TBC1D5: variants seen among roughly 807,000 people sequenced by gnomAD.
The protein encoded by TBC1D5 is TBC1 domain family, member 5.
TBC1D5 carries 75 observed loss-of-function variants against 100.3 expected under a neutral mutation model. The ratio of observed to expected loss-of-function variants is 0.75; its 90% CI spans 0.62 to 0.91. The LOEUF (loss-of-function observed/expected upper bound fraction) is 0.91, where lower values mean the gene tolerates loss of function less well. TBC1D5 is among the 40% of genes least tolerant of loss of function. The pLI is 0.00. For missense variants in TBC1D5, 910 were observed against 942.4 expected (o/e 0.97, Z 0.45); for synonymous variants, 323 against 325.6 (o/e 0.99, Z 0.09).
rs58787705 is a variant in TBC1D5, at chr3:17,174,588, T to TTTGTTG, written c.1853-6766_1853-6761dup. Among the ~76,000 whole-genome samples, 13 of 151,698 alleles carry TTTGTTG rather than the reference T, an allele frequency of 8.6e-5. No individual in the cohort carries two copies. In the East Asian group the frequency reaches 1.6e-3, roughly 18 times the overall value. ...CCATTCCCCTAGAACCTGTTTTGTC[T>TTTGTTG]TTGTTGTTGTTGTTGTTGTTTTTGA... On this transcript the variant is annotated intron_variant, in intron 19 of 21. Transcript: ENST00000253692.
chr3:17,251,754 G>A (rs1264126088), intron 16 of TBC1D5, among the ~76,000 whole-genome samples: 3 of 152,126 alleles, frequency 2.0e-5, no homozygotes, highest in Middle Eastern at 3.2e-3. Context: ...TAACTTACTT[G>A]CACATTTCTT....
intron 14 of TBC1D5, among the ~76,000 whole-genome samples, chr3:17,295,759 T>C (rs1191350043): frequency 6.6e-6 from 1 of 152,168 alleles, no homozygotes; most frequent in East Asian, 1.9e-4. Context: ...AACACGAAAC[T>C]CTATACAGAC....
At chr3:17,361,784 A>G (rs1011691246) in intron 13 of TBC1D5, among the ~76,000 whole-genome samples, 3 of 152,132 alleles carry the variant, frequency 2.0e-5, no homozygotes, top group Non-Finnish European at 4.4e-5. Flanking sequence ...ATACTTAAAA[A>G]GAAGAAAGGT....
intron 2 of TBC1D5, among the ~76,000 whole-genome samples, chr3:17,592,744 T>C (rs2060311773): frequency 2.0e-5 from 3 of 152,194 alleles, no homozygotes; most frequent in East Asian, 1.9e-4. Context: ...CAGTGGCAGA[T>C]AGAGATGCTA....
intron 2 of TBC1D5, among the ~76,000 whole-genome samples, chr3:17,598,153 G>T (rs372979231): frequency 3.9e-5 from 6 of 151,996 alleles, no homozygotes; most frequent in Admixed American, 3.9e-4. Flanking sequence ...CAGGAACTAC[G>T]GTTTCCCTAA....
intron 2 of TBC1D5, among the ~76,000 whole-genome samples, chr3:17,549,657 G>A (rs745986886): frequency 3.9e-5 from 6 of 151,938 alleles, no homozygotes; most frequent in Non-Finnish European, 5.9e-5. Context: ...TGGCGCAGGC[G>A]CTGTGGCTCA....
intron 3 of TBC1D5, among the ~76,000 whole-genome samples, chr3:17,498,632 T>C (rs1015516740): frequency 1.3e-5 from 2 of 152,176 alleles, no homozygotes; most frequent in African/African-American, 4.8e-5. Flanking sequence ...TGCACTAAAG[T>C]AGATGTGAAC....
intron 2 of TBC1D5, among the ~76,000 whole-genome samples, chr3:17,536,125 C>T (rs962808093): frequency 2.6e-5 from 4 of 151,976 alleles, no homozygotes; most frequent in African/African-American, 9.7e-5. Context: ...CATATTTTAA[C>T]GAATATAAGA....
chr3:17,443,176 A>G (rs763073503), intron 3 of TBC1D5, among the ~76,000 whole-genome samples: 2 of 152,224 alleles, frequency 1.3e-5, no homozygotes, highest in Non-Finnish European at 2.9e-5. Flanking sequence ...AGAAGCTATC[A>G]TAACTTGAGA....
intron 17 of TBC1D5, among the ~76,000 whole-genome samples, chr3:17,221,855 C>G (rs2074330051): frequency 6.6e-6 from 1 of 152,166 alleles, no homozygotes; most frequent in Non-Finnish European, 1.5e-5. Flanking sequence ...GTTTACATCA[C>G]TAAGTTTGTG....
intron 13 of TBC1D5, among the ~76,000 whole-genome samples, chr3:17,355,732 T>C (rs970903232): frequency 2.0e-5 from 3 of 152,014 alleles, no homozygotes; most frequent in African/African-American, 2.4e-5. Context: ...TTATTTCCCA[T>C]AGAGGCTGAG....
intron 1 of TBC1D5, chr3:17,643,964 A>G (rs1430572306): frequency 1.3e-5 from 2 of 152,146 alleles, no homozygotes; most frequent in African/African-American, 4.8e-5. Context: ...AACAACGAGG[A>G]TAGCAAATAT....
intron 9 of TBC1D5, among the ~76,000 whole-genome samples, chr3:17,377,967 A>T (rs2092777804): frequency 6.6e-6 from 1 of 151,890 alleles, no homozygotes; most frequent in African/African-American, 2.4e-5. Context: ...GAAAAATGAC[A>T]TTAAGCATTA....
In TBC1D5 at chr3:17,462,321, A is replaced by ATTTTT. The variant is rs1188024653; in HGVS notation, c.98-33803_98-33802insAAAAA. Among the ~76,000 whole-genome samples, 121 of 143,000 alleles carry ATTTTT rather than the reference A, an allele frequency of 8.5e-4. 1 individual carries two copies. Among genetic ancestry groups the ATTTTT allele is most frequent in the African/African-American group, 2.8e-3 (100 of 35,652 alleles). 93.8% of individuals were successfully genotyped at this position (143,000 alleles called of 152,430 possible). A position where few individuals can be genotyped will look rare whatever the true frequency, so the allele number is the denominator to read the frequency against. On this transcript the variant is annotated intron_variant, in intron 3 of 21. Transcript: ENST00000253692. ...GCTATATTTAAATGTTTCGGACCTT[A>ATTTTT]ATTTTTTTTTTTTTTTTTTTGAGCC...
intron 3 of TBC1D5, among the ~76,000 whole-genome samples, chr3:17,441,958 A>G (rs951951538): frequency 3.3e-5 from 5 of 151,884 alleles, no homozygotes; most frequent in Non-Finnish European, 7.3e-5. Flanking sequence ...TCCCACTGAC[A>G]ACAATTTAGT....
chr3:17,250,787 T>C (rs1251370919), intron 16 of TBC1D5, among the ~76,000 whole-genome samples: 1 of 152,256 alleles, frequency 6.6e-6, no homozygotes, highest in East Asian at 1.9e-4. Context: ...GTGTTTCTTA[T>C]AGAAATTCTC....
intron 2 of TBC1D5, among the ~76,000 whole-genome samples, chr3:17,521,703 G>A (rs1348500319): frequency 2.0e-5 from 3 of 151,976 alleles, no homozygotes; most frequent in African/African-American, 7.3e-5. Flanking sequence ...AATTTGTTGA[G>A]ACTAATATAA....
intron 2 of TBC1D5, among the ~76,000 whole-genome samples, chr3:17,565,052 T>C (rs2096585146): frequency 6.6e-6 from 1 of 152,148 alleles, no homozygotes; most frequent in African/African-American, 2.4e-5. Context: ...ATAATTAGTA[T>C]GTAGTTGTTA....
chr3:17,644,631 C>T (rs893600012), intron 1 of TBC1D5, among the ~76,000 whole-genome samples: 1 of 152,120 alleles, frequency 6.6e-6, no homozygotes, highest in Non-Finnish European at 1.5e-5. Context: ...ATTTTAATTA[C>T]TTCTTAAGAA....
Sources: allele counts gnomAD v4.1 joint callset (sites outside exome capture counted in the v4.1 genomes callset), GRCh38; gene constraint gnomAD v4.1.1; transcripts MANE v1.5; gene names NCBI Gene and HGNC (gene_info 2026-07-23, HGNC 2026-07-21).